Variants in GRIP2 observed in about 807,000 individuals in gnomAD.
The protein encoded by GRIP2 is glutamate receptor interacting protein 2.
In GRIP2, 58 loss-of-function variants were observed where a neutral mutation model predicts 108.3. That is an observed-to-expected ratio of 0.54 (90% CI 0.43 to 0.67). The LOEUF (loss-of-function observed/expected upper bound fraction) is 0.67. Ranked by LOEUF, GRIP2 falls within the 30% of genes least tolerant of loss-of-function variation. GRIP2 has a pLI of 0.00. For synonymous variants in GRIP2, 586 were observed against 598.2 expected (o/e 0.98, Z 0.30); for missense variants, 1,278 against 1,430.6 (o/e 0.89, Z 1.72).
Position 14,505,704 on chromosome 3 carries a change from G to C in GRIP2, c.2484C>G (p.Thr828=), listed in dbSNP as rs547662300. Reference sequence around the variant, plus strand: ...GGGTATAGCTCGTCCTCCGGGGCTCGGTGGGTGGGGGGCTGCCCCTCAGCC... The same window carrying C: ...GGGTATAGCTCGTCCTCCGGGGCTCCGTGGGTGGGGGGCTGCCCCTCAGCC... ...PGWLRGSPPP[T]EPRRTSYTPT... is the part of the protein sequence containing the mutation. Residue 828 remains threonine (T), a synonymous_variant, in exon 20 of 24, where the codon ACC becomes ACG. Transcript: ENST00000621039. This position sits in a 1 kb window ranked among gnomAD's most constrained non-coding sequence, Gnocchi z 4.2. 16 of 1,594,072 alleles carry C rather than the reference G, an allele frequency of 1.0e-5. No individual in the cohort carries two copies. The highest frequency in any genetic ancestry group is 1.3e-5 in the Non-Finnish European group (15 of 1,170,638).
chr3:14,496,393 C>T (rs773262834), intron 22 of GRIP2, 24 bp downstream of exon 22: 1 of 1,591,184 alleles, frequency 6.3e-7, no homozygotes, highest in African/African-American at 1.3e-5. Flanking sequence ...GTCCAGGTCT[C>T]CTGTGCTCAC....
chr3:14,498,003 C>T (rs778249818), intron 21 of GRIP2, among the ~76,000 whole-genome samples: 2 of 152,110 alleles, frequency 1.3e-5, no homozygotes, highest in African/African-American at 2.4e-5. Context: ...ACTCTAACAT[C>T]GTGCAATCTC....
intron 17 of GRIP2, among the ~76,000 whole-genome samples, chr3:14,508,190 G>A (rs925008866): frequency 1.3e-5 from 2 of 152,214 alleles, no homozygotes; most frequent in Non-Finnish European, 2.9e-5. Context: ...CCTGGAGAAT[G>A]GGCATAATCA....
rs1354221909 is a variant in GRIP2, at chr3:14,520,299, A to G, written c.861-20T>C. On this transcript the variant is annotated intron_variant, in intron 8 of 23. Transcript: ENST00000621039. ...CCGCTCCTGGCCAGGCAGGGGAGTG[A>G]AGGCGGAGGCTGGTCCAGGCCAGAC... 6.2e-7 allele frequency: 1 copy of G among 1,612,124 alleles called. No homozygotes were observed. The highest frequency in any genetic ancestry group is 8.5e-7 in the Non-Finnish European group (1 of 1,178,648).
intron 20 of GRIP2, among the ~76,000 whole-genome samples, chr3:14,504,315 T>G (rs1028544191): frequency 1.3e-5 from 2 of 149,514 alleles, no homozygotes; most frequent in East Asian, 1.9e-4. Context: ...GCTTGTTTTT[T>G]TTTTTTTTTT....
upstream of GRIP2, among the ~76,000 whole-genome samples, chr3:14,544,077 A>G (rs1249163550): frequency 5.3e-5 from 8 of 152,262 alleles, no homozygotes; most frequent in African/African-American, 1.9e-4. Context: ...CACACAGGTC[A>G]GACATGCCCA....
chr3:14,525,527 C>T lies in GRIP2; in HGVS notation c.167G>A (p.Gly56Asp). The change falls in exon 3 of 24, where the codon GGC becomes GAC. Residue 56 changes from glycine to aspartate, a missense_variant. By Grantham distance (94) the Gly-to-Asp change is moderately conservative (BLOSUM62 -1). Transcript: ENST00000621039. ...TGAGATAGTCAGGCCCAGCGTGCTG[C>T]CTTCTTTCTTGATCAGCTCCACCAC... ...ITVVELIKKE[G>D]STLGLTISGG... is the part of the protein sequence containing the mutation. The T allele has an allele frequency of 6.2e-7, 1 of 1,613,844 alleles. No homozygotes were observed. The highest frequency in any genetic ancestry group is 2.2e-5 in the East Asian group (1 of 44,870).
intron 9 of GRIP2, 153 bp downstream of exon 9, chr3:14,519,957 G>A (rs936456136): frequency 4.1e-5 from 31 of 754,918 alleles, no homozygotes; most frequent in Non-Finnish European, 6.6e-5. Flanking sequence ...CTCAGTTGCT[G>A]CTCTTAATAA....
chr3:14,509,671 C>T (rs1157361564), intron 17 of GRIP2, 149 bp downstream of exon 17: 1 of 815,084 alleles, frequency 1.2e-6, no homozygotes, highest in African/African-American at 1.8e-5. Flanking sequence ...AGACCTGAGT[C>T]TCAGAGAGGG....
chr3:14,598,793 G>A, the GRIP2 span, among the ~76,000 whole-genome samples: 1 of 151,926 alleles, frequency 6.6e-6, no homozygotes, highest in Non-Finnish European at 1.5e-5. Flanking sequence ...TCCTCCAACA[G>A]GTCAAACTGT....
intron 7 of GRIP2, 139 bp from the exon 8 acceptor site, chr3:14,520,676 TTTTC>T (rs1694383947): frequency 1.2e-6 from 1 of 821,566 alleles, no homozygotes; most frequent in Non-Finnish European, 1.9e-6. Flanking sequence ...TTTTTATTCC[TTTTC>T]TTTCTTTTTT....
At chr3:14,516,558 G>C (rs1694253713) in intron 11 of GRIP2, among the ~76,000 whole-genome samples, 1 of 152,084 alleles carries the variant, frequency 6.6e-6, no homozygotes. Flanking sequence ...TATTTCAAAA[G>C]GGCAATTTTG....
At chr3:14,594,212 T>C in the GRIP2 span, among the ~76,000 whole-genome samples, 2 of 152,142 alleles carry the variant, frequency 1.3e-5, no homozygotes, top group Non-Finnish European at 2.9e-5. Context: ...TCCCTATCCC[T>C]CTCCCAGGGT....
Position 14,511,210 on chromosome 3 carries a change from C to G in GRIP2, c.1888G>C (p.Glu630Gln). The change falls in exon 16 of 24, where the codon GAG (glutamate) becomes CAG (glutamine). Residue 630 changes from glutamate (E) to glutamine (Q), a missense_variant. Physicochemically the swap from Glu to Gln is conservative, Grantham distance 29. Transcript: ENST00000621039. The surrounding 1 kb of genome is among the most constrained non-coding windows in gnomAD (Gnocchi z 4.1). ...EDAVQILRQC[E>Q]DLVKLKIRKD... ...CGGATCTTCAGCTTCACCAGGTCCT[C>G]GCACTGCCGCAGGATTTGCACGGCG... 1.2e-6 allele frequency: 2 copies of G among 1,613,992 alleles called. No homozygotes were observed. The highest frequency in any genetic ancestry group is 1.1e-5 in the South Asian group (1 of 91,070).
chr3:14,543,918 A>G (rs1695018941), upstream of GRIP2, among the ~76,000 whole-genome samples: 1 of 152,242 alleles, frequency 6.6e-6, no homozygotes, highest in African/African-American at 2.4e-5. Context: ...CCTCGGCTGT[A>G]GAATGAGAAT....
intron 21 of GRIP2, among the ~76,000 whole-genome samples, chr3:14,496,942 T>C (rs1227076046): frequency 7.9e-5 from 12 of 151,062 alleles, no homozygotes; most frequent in Admixed American, 7.3e-4. Context: ...ACCCAGAGTC[T>C]AGTTCCAAAG....
the GRIP2 span, among the ~76,000 whole-genome samples, chr3:14,582,567 T>C: frequency 1.3e-5 from 2 of 152,202 alleles, no homozygotes; most frequent in Admixed American, 6.5e-5. Context: ...CCAACAGATA[T>C]CTGCTTCGTG....
At chr3:14,571,109 GA>G in the GRIP2 span, among the ~76,000 whole-genome samples, 13 of 151,944 alleles carry the variant, frequency 8.6e-5, no homozygotes, top group East Asian at 5.8e-4. Flanking sequence ...GTCCCCTGGG[GA>G]AAAAAAATCA....
the GRIP2 span, among the ~76,000 whole-genome samples, chr3:14,587,220 T>C: frequency 0.025 from 3,876 of 152,328 alleles, 177 homozygotes; most frequent in African/African-American, 0.087. Flanking sequence ...TCTTTGTTTA[T>C]TGATGTCGCT....
Sources: gnomAD v4.1 joint callset for allele counts (sites outside exome capture counted in the v4.1 genomes callset) on GRCh38, gnomAD v4.1.1 for gene constraint, Gnocchi (gnomAD v3.1) non-coding constraint, MANE v1.5 for transcripts, NCBI Gene and HGNC (gene_info 2026-07-23, HGNC 2026-07-21) for gene names.